Variants in TRIML1 observed in about 807,000 individuals in gnomAD.
TRIML1 encodes tripartite motif family like 1.
Under a neutral mutation model 32.3 loss-of-function variants are expected in TRIML1, and 34 were observed. The ratio of observed to expected loss-of-function variants is 1.05; its 90% CI spans 0.80 to 1.40. The LOEUF is 1.40. Among genes scored for constraint, TRIML1 ranks in the 40% most tolerant of loss-of-function variants. TRIML1 has a pLI of 0.00. For synonymous variants in TRIML1, 244 were observed against 226.6 expected (o/e 1.08, Z -0.69); for missense variants, 595 against 574.9 (o/e 1.03, Z -0.36).
chr4:188,142,066 G>A lies in TRIML1; in HGVS notation c.505-186G>A, dbSNP rs1307912873. ...CAGGAGGCAGAGGTTGCAGTGAGCC[G>A]AGATTGCGCCACTGCACTTCAGACT... On this transcript the variant is annotated intron_variant, in intron 2 of 5. Coordinates refer to ENST00000332517, the MANE Select transcript of TRIML1 (RefSeq NM_178556.5). 2.7e-5 allele frequency among the ~76,000 whole-genome samples: 4 copies of A among 147,776 alleles called. No individual in the cohort carries two copies. In the South Asian group the frequency reaches 6.4e-4, roughly 24 times the overall value.
In TRIML1 at chr4:188,144,994, T is replaced by C. The variant is rs559745296; in HGVS notation, c.856+861T>C. 1.4e-4 allele frequency among the ~76,000 whole-genome samples: 21 copies of C among 152,310 alleles called. No homozygotes were observed. The South Asian group carries it at 3.5e-3, about 26-fold the overall frequency. On this transcript the variant is annotated intron_variant, in intron 5 of 5. Coordinates refer to ENST00000332517, the MANE Select transcript of TRIML1 (RefSeq NM_178556.5). ...AGCCCTGCCATGGGCCCCGGCACTA[T>C]GCTACTGGGCTCTGCGCTTACTTAC...
chr4:188,149,210 C>T (rs1028239382), downstream of TRIML1, among the ~76,000 whole-genome samples: 6 of 151,970 alleles, frequency 3.9e-5, no homozygotes, highest in South Asian at 4.1e-4. Context: ...TGAGCCCCCG[C>T]GCCTGGCCCA....
downstream of TRIML1, among the ~76,000 whole-genome samples, chr4:188,148,173 A>G (rs989591756): frequency 2.6e-5 from 4 of 152,134 alleles, no homozygotes; most frequent in Admixed American, 2.0e-4. Context: ...CCAGAAGGCC[A>G]AAGAGCCTAC....
In TRIML1 at chr4:188,142,185, A is replaced by G. The variant is rs1046520865; in HGVS notation, c.505-67A>G. ...GGATTAAAAATCTACAGACAAGGGC[A>G]TTTCTCTTACTAACTTTATCTCGTG... On this transcript the variant is annotated intron_variant, in intron 2 of 5. Transcript: ENST00000332517. 2.6e-4 allele frequency: 304 copies of G among 1,158,072 alleles called. 1 individual carries two copies. The highest frequency in any genetic ancestry group is 3.6e-4 in the Non-Finnish European group (288 of 797,896). 71.7% of individuals were successfully genotyped at this position (1,158,072 alleles called of 1,614,324 possible). A position where few individuals can be genotyped will look rare whatever the true frequency, so the allele number is the denominator to read the frequency against.
chr4:188,150,068 T>C (rs1264118986), downstream of TRIML1, among the ~76,000 whole-genome samples: 1 of 151,894 alleles, frequency 6.6e-6, no homozygotes, highest in Non-Finnish European at 1.5e-5. Flanking sequence ...CCTCCCAAAG[T>C]GTTGAGATTA....
At chr4:188,149,232 TA>T (rs1735189307), downstream of TRIML1, among the ~76,000 whole-genome samples, 1 of 152,016 alleles carries the variant, frequency 6.6e-6, no homozygotes, top group African/African-American at 2.4e-5. Flanking sequence ...CCTTTGTTTT[TA>T]AATGGAATGT....
At chr4:188,149,185 C>A (rs1735186697), downstream of TRIML1, among the ~76,000 whole-genome samples, 1 of 151,968 alleles carries the variant, frequency 6.6e-6, no homozygotes, top group African/African-American at 2.4e-5. Flanking sequence ...TCCCAAAGTG[C>A]TGGGATTCCA....
At chr4:188,137,765 C>T (rs756633817), upstream of TRIML1, among the ~76,000 whole-genome samples, 10 of 152,054 alleles carry the variant, frequency 6.6e-5, no homozygotes, top group Non-Finnish European at 1.0e-4. Flanking sequence ...GCATGAACCA[C>T]TGCACCCGGC....
downstream of TRIML1, among the ~76,000 whole-genome samples, chr4:188,150,450 AT>A (rs1658872629): frequency 6.6e-6 from 1 of 152,208 alleles, no homozygotes; most frequent in African/African-American, 2.4e-5. Flanking sequence ...GACAGATTTT[AT>A]ATCTTGATTT....
At chr4:188,138,308 G>A (rs977409142), upstream of TRIML1, among the ~76,000 whole-genome samples, 14 of 152,116 alleles carry the variant, frequency 9.2e-5, no homozygotes, top group Non-Finnish European at 2.1e-4. Flanking sequence ...AGCAGTTGGA[G>A]CCTTGAAAGT....
Position 188,139,609 on chromosome 4 carries a change from C to T in TRIML1, c.51C>T (p.Phe17=), listed in dbSNP as rs1447835975. 4 of 1,610,914 alleles carry T rather than the reference C, an allele frequency of 2.5e-6. No homozygotes were observed. The African/African-American group carries it at 4.0e-5, about 16-fold the overall frequency. ...MENLREELTC[F]ICLDYFSSPV... ...ACCTCAGGGAGGAACTCACCTGTTT[C>T]ATCTGCTTAGACTATTTCAGCAGCC... is the stretch of plus-strand genomic sequence containing the variant. The change falls in exon 1 of 6, where the codon TTC becomes TTT. Residue 17 remains phenylalanine, a synonymous_variant. Transcript: ENST00000332517.
downstream of TRIML1, among the ~76,000 whole-genome samples, chr4:188,149,774 T>C (rs1225103308): frequency 1.3e-5 from 2 of 152,144 alleles, no homozygotes; most frequent in African/African-American, 4.8e-5. Context: ...TTAGACTATC[T>C]GTGGCCCACT....
Position 188,147,295 on chromosome 4 carries a change from A to C in TRIML1, c.1330A>C (p.Ile444Leu). Residue 444 changes from isoleucine to leucine, a missense_variant, in exon 6 of 6, where the codon ATC (isoleucine) becomes CTC (leucine). Coordinates refer to ENST00000332517, the MANE Select transcript of TRIML1 (RefSeq NM_178556.5). ...QASFQEALRP[I>L]FSPCLPNEGT... Reference sequence around the variant, plus strand: ...TTCTTTCCAAGAGGCCCTCAGGCCTATCTTTTCCCCCTGCCTCCCAAATGA... The same window carrying C: ...TTCTTTCCAAGAGGCCCTCAGGCCTCTCTTTTCCCCCTGCCTCCCAAATGA... 1 of 1,547,620 alleles carries C rather than the reference A, an allele frequency of 6.5e-7. No homozygotes were observed. Among genetic ancestry groups the C allele is most frequent in the South Asian group, 1.3e-5 (1 of 79,330 alleles).
chr4:188,140,113 C>T (rs1734796971), intron 1 of TRIML1, 147 bp downstream of exon 1: 4 of 829,598 alleles, frequency 4.8e-6, no homozygotes, highest in Non-Finnish European at 7.3e-6. Context: ...CCAGTTTACA[C>T]CCTTTTTTTT....
At chr4:188,140,785 G>C in intron 2 of TRIML1, 162 bp downstream of exon 2, 1 of 586,562 alleles carries the variant, frequency 1.7e-6, no homozygotes, top group East Asian at 2.9e-5. Context: ...GAGCGTCCTC[G>C]TGGGAGTCTC....
At chr4:188,144,512 G>C (rs1028551809) in intron 5 of TRIML1, among the ~76,000 whole-genome samples, 4 of 141,968 alleles carry the variant, frequency 2.8e-5, no homozygotes, top group East Asian at 2.1e-4. Context: ...ACAGGCGCCC[G>C]CCACCACGCC....
chr4:188,146,270 C>T (rs1274686235), intron 5 of TRIML1, among the ~76,000 whole-genome samples: 1 of 152,162 alleles, frequency 6.6e-6, no homozygotes, highest in Non-Finnish European at 1.5e-5. Flanking sequence ...GACGCCCATT[C>T]CACCCACAGG....
At chr4:188,146,729 G>A (rs1735094926) in intron 5 of TRIML1, 93 bp from the exon 6 acceptor site, 1 of 1,059,498 alleles carries the variant, frequency 9.4e-7, no homozygotes, top group Non-Finnish European at 1.3e-6. Flanking sequence ...TAAAAAACCA[G>A]GACTAAATAC....
At chr4:188,145,455 AAAAAAAAAAAAAAAAAAAAAAG>A in intron 5 of TRIML1, among the ~76,000 whole-genome samples, 1 of 70,656 alleles carries the variant, frequency 1.4e-5, no homozygotes. Flanking sequence ...AAAAAAAAAA[AAAAAAAAAAAAAAAAAAAAAAG>A]TCAGAAATGG....
Sources: gnomAD v4.1 joint callset for allele counts (sites outside exome capture counted in the v4.1 genomes callset) on GRCh38, gnomAD v4.1.1 for gene constraint, MANE v1.5 for transcripts, NCBI Gene and HGNC (gene_info 2026-07-23, HGNC 2026-07-21) for gene names.